ADGRL3: variants seen among roughly 807,000 people sequenced by gnomAD.
ADGRL3 encodes the protein calcium-independent alpha-latrotoxin receptor 3.
A neutral mutation model predicts 153.5 loss-of-function variants in ADGRL3; 62 were observed. The ratio of observed to expected loss-of-function variants is 0.40; its 90% CI spans 0.33 to 0.50. The LOEUF is 0.50. Ranked by LOEUF, ADGRL3 falls within the 20% of genes least tolerant of loss-of-function variation. ADGRL3 has a pLI of 0.47. For synonymous variants in ADGRL3, 710 were observed against 672.5 expected (o/e 1.06, Z -0.86); for missense variants, 1,641 against 1,859.4 (o/e 0.88, Z 2.16).
chr4:62,006,034 T>TATATA (rs1560495406), intron 21 of ADGRL3, among the ~76,000 whole-genome samples: 4 of 94,590 alleles, frequency 4.2e-5, no homozygotes, highest in African/African-American at 7.8e-5. Context: ...ATATATATAT[T>TATATA]TTTTTTTTTT....
At chr4:61,791,779 T>C (rs1257479173) in intron 8 of ADGRL3, among the ~76,000 whole-genome samples, 1 of 152,202 alleles carries the variant, frequency 6.6e-6, no homozygotes, top group Non-Finnish European at 1.5e-5. Flanking sequence ...ATTCTTGACT[T>C]ATCTGGACTC....
intron 16 of ADGRL3, among the ~76,000 whole-genome samples, chr4:61,947,657 A>C (rs2098930944): frequency 6.6e-6 from 1 of 152,196 alleles, no homozygotes. Flanking sequence ...CATTAAACAG[A>C]ACTAGAGATG....
chr4:61,663,986 C>T (rs955076305), intron 5 of ADGRL3, among the ~76,000 whole-genome samples: 1 of 152,178 alleles, frequency 6.6e-6, no homozygotes, highest in South Asian at 2.1e-4. Context: ...CAGTTATCAT[C>T]TTAAGGCCTA....
In ADGRL3 at chr4:62,070,841, C is replaced by G; in HGVS notation, c.4565C>G (p.Pro1522Arg). ...AGCAGTGATGGATTTATAGTTCCTC[C>G]AAACAAAGATGGGACCCCTCCCGAG... Reference protein sequence around the residue: ...RGSSDGFIVPPNKDGTPPEGS... With the variant: ...RGSSDGFIVPRNKDGTPPEGS... Residue 1522 changes from proline (P) to arginine (R), a missense_variant, in exon 27 of 27, where the codon CCA becomes CGA. This residue lies in a region of ADGRL3 where 517 missense variants were observed against 555.0 expected (regional missense o/e 0.93). Coordinates refer to ENST00000683033, the MANE Select transcript of ADGRL3 (RefSeq NM_001387552.1). 6.4e-7 allele frequency: 1 copy of G among 1,551,710 alleles called. No individual in the cohort carries two copies. The highest frequency in any genetic ancestry group is 8.7e-7 in the Non-Finnish European group (1 of 1,146,976).
intron 1 of ADGRL3, among the ~76,000 whole-genome samples, chr4:61,371,769 T>C (rs537343270): frequency 3.9e-5 from 6 of 152,250 alleles, no homozygotes; most frequent in South Asian, 4.1e-4. Context: ...TGAATCTGAA[T>C]GTTGGCCTGC....
chr4:61,315,221 G>A (rs2095164402), intron 1 of ADGRL3, among the ~76,000 whole-genome samples: 1 of 152,134 alleles, frequency 6.6e-6, no homozygotes, highest in African/African-American at 2.4e-5. Flanking sequence ...TTCTCAACGT[G>A]GGGAAGTTCT....
intron 8 of ADGRL3, among the ~76,000 whole-genome samples, chr4:61,776,792 T>C (rs972521804): frequency 7.2e-5 from 11 of 152,192 alleles, no homozygotes; most frequent in Non-Finnish European, 1.5e-4. Flanking sequence ...TGTTGATAAA[T>C]CTTTTCCGTG....
intron 5 of ADGRL3, among the ~76,000 whole-genome samples, chr4:61,592,315 G>A (rs2098973017): frequency 6.6e-6 from 1 of 152,038 alleles, no homozygotes; most frequent in Non-Finnish European, 1.5e-5. Flanking sequence ...TTATATACAT[G>A]AGTTATTCCG....
chr4:61,345,576 A>G (rs541457107), intron 1 of ADGRL3, among the ~76,000 whole-genome samples: 1 of 152,318 alleles, frequency 6.6e-6, no homozygotes, highest in Admixed American at 6.5e-5. Flanking sequence ...CAAGAATAAA[A>G]ACTATGGTCC....
chr4:61,820,813 G>GGTCATAT (rs967972917), intron 9 of ADGRL3, among the ~76,000 whole-genome samples: 95 of 152,122 alleles, frequency 6.2e-4, no homozygotes, highest in African/African-American at 2.0e-3. Context: ...GAGTTCTGAA[G>GGTCATAT]GTCATATGTC....
At chr4:61,207,048 A>T (rs1052788599) in intron 1 of ADGRL3, among the ~76,000 whole-genome samples, 9 of 145,656 alleles carry the variant, frequency 6.2e-5, no homozygotes, top group Admixed American at 2.7e-4. Context: ...TAGGTCATTT[A>T]TTATTATTAT....
intron 6 of ADGRL3, among the ~76,000 whole-genome samples, chr4:61,703,554 A>AT (rs1232459954): frequency 1.3e-5 from 2 of 152,130 alleles, no homozygotes; most frequent in Non-Finnish European, 2.9e-5. Context: ...CCTAAGAATA[A>AT]TTTTTTGATT....
At chr4:61,736,788 A>G (rs1419653964) in intron 8 of ADGRL3, among the ~76,000 whole-genome samples, 3 of 152,228 alleles carry the variant, frequency 2.0e-5, no homozygotes, top group Non-Finnish European at 4.4e-5. Flanking sequence ...AACAACGACA[A>G]TTAAGACTTT....
chr4:61,316,095 A>T (rs2095202686), intron 1 of ADGRL3, among the ~76,000 whole-genome samples: 1 of 152,180 alleles, frequency 6.6e-6, no homozygotes, highest in South Asian at 2.1e-4. Context: ...AATTCCAGAT[A>T]GTGTTGAATA....
intron 4 of ADGRL3, among the ~76,000 whole-genome samples, chr4:61,578,793 ATT>A: frequency 6.6e-6 from 1 of 152,020 alleles, no homozygotes; most frequent in Non-Finnish European, 1.5e-5. Context: ...TGTTTATTTG[ATT>A]TCTCTGAAAT....
At chr4:61,839,394 C>G (rs1345053603) in intron 9 of ADGRL3, among the ~76,000 whole-genome samples, 1 of 151,862 alleles carries the variant, frequency 6.6e-6, no homozygotes, top group African/African-American at 2.4e-5. Flanking sequence ...AGAGTTCTCA[C>G]TATGTTGCCT....
chr4:61,248,357 T>G (rs1375557947), intron 1 of ADGRL3, among the ~76,000 whole-genome samples: 1 of 152,152 alleles, frequency 6.6e-6, no homozygotes, highest in Non-Finnish European at 1.5e-5. Context: ...TTCCAAGTAT[T>G]GAGTCTGATT....
intron 1 of ADGRL3, among the ~76,000 whole-genome samples, chr4:61,322,512 A>G (rs1479102665): frequency 6.6e-6 from 1 of 152,220 alleles, no homozygotes; most frequent in African/African-American, 2.4e-5. Context: ...AAAGCAAGCT[A>G]GTTACTTCCT....
intron 6 of ADGRL3, among the ~76,000 whole-genome samples, chr4:61,702,657 A>G (rs2151328219): frequency 6.6e-6 from 1 of 152,294 alleles, no homozygotes; most frequent in African/African-American, 2.4e-5. Flanking sequence ...TAAGGAAAAG[A>G]AATTTGCTGA....
Sources: allele counts gnomAD v4.1 joint callset (sites outside exome capture counted in the v4.1 genomes callset), GRCh38; gene constraint gnomAD v4.1.1; regional missense constraint gnomAD v4.1.1; transcripts MANE v1.5; gene names NCBI Gene and HGNC (gene_info 2026-07-23, HGNC 2026-07-21).